The following PRKCE variants were observed in gnomAD, a reference collection of about 807,000 sequenced individuals.
PRKCE encodes the protein protein kinase C epsilon type.
Under a neutral mutation model 85.4 loss-of-function variants are expected in PRKCE, and 16 were observed. The ratio of observed to expected loss-of-function variants is 0.19; its 90% CI spans 0.13 to 0.28. The LOEUF is 0.28. Ranked by LOEUF, PRKCE falls within the 10% of genes least tolerant of loss-of-function variation. PRKCE has a pLI of 1.00. For synonymous variants in PRKCE, 388 were observed against 371.5 expected, an observed-to-expected ratio of 1.04 and a Z score of -0.51; for missense variants, 573 against 975.2, an observed-to-expected ratio of 0.59 and a Z score of 5.49.
At chr2:45,927,438 T>C (rs1698717644) in intron 2 of PRKCE, among the ~76,000 whole-genome samples, 1 of 152,174 alleles carries the variant, frequency 6.6e-6, no homozygotes, top group Non-Finnish European at 1.5e-5. Context: ...TTGCAGCTGA[T>C]AACTGATGTA....
chr2:45,988,539 C>G (rs917062738), intron 6 of PRKCE, among the ~76,000 whole-genome samples: 4 of 152,190 alleles, frequency 2.6e-5, no homozygotes, highest in African/African-American at 9.6e-5. Context: ...CTTTGCAGCC[C>G]ACAGCCACAG....
At chr2:46,137,513 G>C (rs1389849356) in intron 11 of PRKCE, among the ~76,000 whole-genome samples, 1 of 151,724 alleles carries the variant, frequency 6.6e-6, no homozygotes, top group African/African-American at 2.4e-5. Flanking sequence ...CACTTCGGGA[G>C]GCCAAGGCGG....
intron 1 of PRKCE, among the ~76,000 whole-genome samples, chr2:45,811,742 G>T (rs961857762): frequency 6.6e-6 from 1 of 152,174 alleles, no homozygotes; most frequent in African/African-American, 2.4e-5. Flanking sequence ...TGGAACCCTA[G>T]AATAAGAACA....
At chr2:46,052,204 G>A (rs912815545) in intron 10 of PRKCE, among the ~76,000 whole-genome samples, 10 of 152,170 alleles carry the variant, frequency 6.6e-5, no homozygotes, top group African/African-American at 2.4e-4. Flanking sequence ...CTTTCAAAAG[G>A]TAGTGTGTGC....
chr2:45,759,951 G>C lies in PRKCE; in HGVS notation c.349-83049G>C, dbSNP rs138829252. Among the ~76,000 whole-genome samples the C allele has an allele frequency of 3.5e-3, 533 of 152,290 alleles. 4 individuals are homozygous for C. Among genetic ancestry groups the C allele is most frequent in the Non-Finnish European group, 5.9e-3 (399 of 68,022 alleles). ...TAGATTTTATGGGGGATACTGAAGG[G>C]CATGGGAGCAGCCCTTGAGTCTTAG... On this transcript the variant is annotated intron_variant, in intron 1 of 14. Transcript: ENST00000306156.
chr2:45,977,709 C>A (rs181280763), intron 3 of PRKCE, among the ~76,000 whole-genome samples: 1 of 152,060 alleles, frequency 6.6e-6, no homozygotes, highest in East Asian at 1.9e-4. Flanking sequence ...CCCCATTCCA[C>A]TAACAATACC....
chr2:45,927,316 C>G (rs1698708624), intron 2 of PRKCE, among the ~76,000 whole-genome samples: 1 of 152,136 alleles, frequency 6.6e-6, no homozygotes, highest in Non-Finnish European at 1.5e-5. Context: ...GGGAAGGAGA[C>G]GAGTATTCAT....
chr2:45,834,592 A>ATGTGTGTATG (rs372235928), intron 1 of PRKCE, among the ~76,000 whole-genome samples: 28 of 149,344 alleles, frequency 1.9e-4, no homozygotes, highest in African/African-American at 5.1e-4. Flanking sequence ...GCATGTGTGT[A>ATGTGTGTATG]TGTGTGTGTG....
intron 11 of PRKCE, among the ~76,000 whole-genome samples, chr2:46,091,934 T>C (rs1322049440): frequency 6.6e-6 from 1 of 152,200 alleles, no homozygotes; most frequent in Non-Finnish European, 1.5e-5. Flanking sequence ...TTTTTTGAAA[T>C]GATAAAGTAG....
In PRKCE at chr2:45,767,727, T is replaced by C. The variant is rs543217419; in HGVS notation, c.349-75273T>C. Among the ~76,000 whole-genome samples, 5 of 152,334 alleles carry C rather than the reference T, an allele frequency of 3.3e-5. No individual in the cohort carries two copies. In the South Asian group the frequency reaches 1.0e-3, roughly 32 times the overall value. On this transcript the variant is annotated intron_variant, in intron 1 of 14. Coordinates refer to ENST00000306156, the MANE Select transcript of PRKCE (RefSeq NM_005400.3). ...TGTGGACTTGCTGCTTTCTCTAGCATGCATGTCCATTGGAAAGACCCATGT... is the reference window on the plus strand; with the variant it reads ...TGTGGACTTGCTGCTTTCTCTAGCACGCATGTCCATTGGAAAGACCCATGT...
intron 1 of PRKCE, among the ~76,000 whole-genome samples, chr2:45,668,441 A>C (rs543417186): frequency 6.6e-6 from 1 of 152,276 alleles, no homozygotes; most frequent in Non-Finnish European, 1.5e-5. Flanking sequence ...CGAAGAATCC[A>C]TTTGGTTTAT....
chr2:45,827,433 C>G (rs528357615), intron 1 of PRKCE, among the ~76,000 whole-genome samples: 2 of 152,238 alleles, frequency 1.3e-5, no homozygotes, highest in Admixed American at 6.5e-5. Context: ...TGGTTCAGAT[C>G]GTGGTGTGGG....
chr2:45,842,882 G>T, intron 1 of PRKCE, 118 bp from the exon 2 acceptor site: 1 of 882,394 alleles, frequency 1.1e-6, no homozygotes, highest in Non-Finnish European at 1.9e-6. Context: ...ATTGTAGGTT[G>T]GTGAATTACA....
intron 1 of PRKCE, among the ~76,000 whole-genome samples, chr2:45,706,292 T>A (rs551167670): frequency 5.3e-5 from 8 of 152,284 alleles, no homozygotes; most frequent in Middle Eastern, 3.4e-3. Context: ...CCTTAGACAC[T>A]CAATGGAAAA....
chr2:45,652,530 T>C lies in PRKCE; in HGVS notation c.348+82T>C. On this transcript the variant is annotated intron_variant, in intron 1 of 14. Transcript: ENST00000306156. The surrounding 1 kb of genome is among the most constrained non-coding windows in gnomAD (Gnocchi z 7.7). Reference sequence around the variant, plus strand: ...GACTCGCTGGTCTTGATCGTAGGGCTCCGGGACTTATTGACGACTGGGGTG... The same window carrying C: ...GACTCGCTGGTCTTGATCGTAGGGCCCCGGGACTTATTGACGACTGGGGTG... The C allele has an allele frequency of 1.5e-6, 2 of 1,323,158 alleles. No homozygotes were observed. Among genetic ancestry groups the C allele is most frequent in the South Asian group, 1.4e-5 (1 of 69,154 alleles). The allele number at this position is 1,323,158 out of a possible 1,614,324, so 82.0% of individuals were successfully genotyped here. A position where few individuals can be genotyped will look rare whatever the true frequency, so the allele number is the denominator to read the frequency against.
At chr2:45,818,093 A>C (rs1689230973) in intron 1 of PRKCE, among the ~76,000 whole-genome samples, 2 of 152,222 alleles carry the variant, frequency 1.3e-5, no homozygotes, top group Admixed American at 6.5e-5. Context: ...CCTTCATGGG[A>C]TAGGCAAGGG....
intron 2 of PRKCE, among the ~76,000 whole-genome samples, chr2:45,874,324 G>C (rs1410186629): frequency 6.6e-6 from 1 of 152,216 alleles, no homozygotes; most frequent in African/African-American, 2.4e-5. Context: ...GGTGAAGAAG[G>C]GAAGTGGCTG....
intron 1 of PRKCE, among the ~76,000 whole-genome samples, chr2:45,743,343 T>C (rs1161241684): frequency 6.6e-6 from 1 of 152,218 alleles, no homozygotes; most frequent in African/African-American, 2.4e-5. Flanking sequence ...TGTGCACTTA[T>C]ATCAAAACAT....
Position 45,689,098 on chromosome 2 carries a change from G to A in PRKCE, c.348+36650G>A, listed in dbSNP as rs370017940. ...GCAAACCTCATAAAAGAAGAGCAGG[G>A]TTAAAGAAGCCTATTAAGTTAGGGA... On this transcript the variant is annotated intron_variant, in intron 1 of 14. Coordinates refer to ENST00000306156, the MANE Select transcript of PRKCE (RefSeq NM_005400.3). Among the ~76,000 whole-genome samples, 4 of 152,288 alleles carry A rather than the reference G, an allele frequency of 2.6e-5. No homozygotes were observed. The South Asian group carries it at 8.3e-4, about 32-fold the overall frequency.
Sources: allele counts gnomAD v4.1 joint callset (sites outside exome capture counted in the v4.1 genomes callset), GRCh38; gene constraint gnomAD v4.1.1; non-coding constraint Gnocchi (gnomAD v3.1); transcripts MANE v1.5; gene names NCBI Gene and HGNC (gene_info 2026-07-23, HGNC 2026-07-21).